Variants in DNAAF9 observed in about 807,000 individuals in gnomAD.
DNAAF9 encodes the protein shulin.
DNAAF9 carries 90 observed loss-of-function variants against 167.0 expected under a neutral mutation model. The observed-to-expected ratio is 0.54, with a 90% CI of 0.45 to 0.64. The LOEUF (loss-of-function observed/expected upper bound fraction) is 0.64. Among genes scored for constraint, DNAAF9 ranks in the 30% least tolerant of loss-of-function variants. The probability of loss-of-function intolerance (pLI) is 0.00; values close to 1 mark genes in which losing one functional copy is unlikely to be tolerated. For missense variants in DNAAF9, 1,315 were observed against 1,442.2 expected (o/e 0.91, Z 1.43); for synonymous variants, 491 against 508.8 (o/e 0.96, Z 0.47).
intron 30 of DNAAF9, 49 bp from the exon 31 acceptor site, chr20:3,264,573 C>CTT (rs758855438): frequency 6.8e-4 from 519 of 762,566 alleles, no homozygotes; most frequent in Middle Eastern, 1.0e-3. Context: ...CTGTCAATCT[C>CTT]TTTTTTTTTT....
chr20:3,263,033 G>A (rs1416902050), intron 31 of DNAAF9, among the ~76,000 whole-genome samples: 1 of 139,454 alleles, frequency 7.2e-6, no homozygotes, highest in Non-Finnish European at 1.5e-5. Flanking sequence ...GGAGTGCAGT[G>A]GCGTGATCTC....
rs958192847 is a variant in DNAAF9 at position 3,311,361 on chromosome 20, A to G, written c.1678+3672T>C. The stretch of plus-strand genomic sequence containing the variant: ...TCACTGGTCTTGAACTGTGGGCTCA[A>G]GCAATCCTCCTGCCTCAGCCTCCCA... On this transcript the variant is annotated intron_variant, in intron 20 of 36. Transcript: ENST00000252032. Among the ~76,000 whole-genome samples the G allele has an allele frequency of 2.6e-5, 4 of 152,032 alleles. No homozygotes were observed. In the East Asian group the frequency reaches 7.7e-4, roughly 29 times the overall value.
intron 31 of DNAAF9, among the ~76,000 whole-genome samples, chr20:3,261,045 T>G (rs1463341245): frequency 6.6e-6 from 1 of 152,084 alleles, no homozygotes; most frequent in Non-Finnish European, 1.5e-5. Flanking sequence ...GGGGCATCTC[T>G]GCTCTATTTT....
chr20:3,284,035 C>T (rs2068807204), intron 27 of DNAAF9, among the ~76,000 whole-genome samples: 1 of 152,242 alleles, frequency 6.6e-6, no homozygotes, highest in East Asian at 1.9e-4. Context: ...AGGCCCCAGG[C>T]CATTCACTCT....
At chr20:3,295,478 C>CTTTT (rs33916484) in intron 23 of DNAAF9, 62 of 247,404 alleles carry the variant, frequency 2.5e-4, no homozygotes, top group East Asian at 6.1e-4. Flanking sequence ...TGCGCCTGAC[C>CTTTT]TTTTTTTTTT....
chr20:3,377,047 C>T (rs1361786762), intron 3 of DNAAF9, among the ~76,000 whole-genome samples: 1 of 151,982 alleles, frequency 6.6e-6, no homozygotes. Flanking sequence ...CCAGACTGGG[C>T]GACAGAGTGA....
At chr20:3,364,668 T>C (rs776136390) in intron 6 of DNAAF9, among the ~76,000 whole-genome samples, 3 of 152,234 alleles carry the variant, frequency 2.0e-5, no homozygotes, top group Non-Finnish European at 4.4e-5. Flanking sequence ...CATAGTCTAT[T>C]AAGTATGCAA....
intron 29 of DNAAF9, among the ~76,000 whole-genome samples, chr20:3,272,781 C>G (rs2068616375): frequency 6.6e-6 from 1 of 152,142 alleles, no homozygotes; most frequent in Non-Finnish European, 1.5e-5. Context: ...CAATGCTCAT[C>G]ATCAACCCAT....
chr20:3,407,492 G>A lies in DNAAF9; in HGVS notation c.66C>T (p.Arg22=). Residue 22 remains arginine, a synonymous_variant, in exon 1 of 37, where the codon CGC becomes CGT. Coordinates refer to ENST00000252032, the MANE Select transcript of DNAAF9 (RefSeq NM_001009984.3). ...CCGCGTACCTGACGGAGGGTGACCC[G>A]CGGCTGGAGCCGCCAGGGGACCGAG... is the stretch of plus-strand genomic sequence containing the variant. ...PRARSPGGSS[R]GSPSVSCSRL... 4 of 1,296,428 alleles carry A rather than the reference G, an allele frequency of 3.1e-6. No individual in the cohort carries two copies. The highest frequency in any genetic ancestry group is 3.9e-6 in the Non-Finnish European group (4 of 1,025,258). 80.3% of individuals were successfully genotyped at this position (1,296,428 alleles called of 1,614,324 possible).
At chr20:3,326,742 T>C (rs1568606328) in intron 12 of DNAAF9, among the ~76,000 whole-genome samples, 1 of 108,514 alleles carries the variant, frequency 9.2e-6, no homozygotes, top group Non-Finnish European at 1.9e-5. Flanking sequence ...AGTGGGACCC[T>C]GTCTCAAAAA....
intron 16 of DNAAF9, 116 bp downstream of exon 16, chr20:3,322,101 C>A: frequency 1.4e-6 from 1 of 710,464 alleles, no homozygotes; most frequent in South Asian, 1.6e-5. Context: ...GAGAGAAGAT[C>A]AGCTTCTTCA....
chr20:3,284,850 T>C (rs1057361349), intron 27 of DNAAF9, among the ~76,000 whole-genome samples: 9 of 152,288 alleles, frequency 5.9e-5, no homozygotes, highest in Admixed American at 4.6e-4. Flanking sequence ...TTTCCAGTTT[T>C]ACTTATATTT....
At chr20:3,330,746 G>T in intron 11 of DNAAF9, 64 bp from the exon 12 acceptor site, 1 of 908,280 alleles carries the variant, frequency 1.1e-6, no homozygotes, top group Non-Finnish European at 1.7e-6. Flanking sequence ...TAACAAGGAA[G>T]CTAGAAATGC....
chr20:3,321,307 G>A (rs1336834240), intron 16 of DNAAF9, among the ~76,000 whole-genome samples: 1 of 152,124 alleles, frequency 6.6e-6, no homozygotes, highest in Non-Finnish European at 1.5e-5. Flanking sequence ...AGATGGTGTA[G>A]CCTACTATAC....
intron 32 of DNAAF9, 121 bp from the exon 33 acceptor site, chr20:3,259,675 G>T (rs893188527): frequency 1.4e-5 from 10 of 709,354 alleles, no homozygotes; most frequent in Admixed American, 8.4e-5. Context: ...GGGTTCACAG[G>T]TTCTACCCGC....
At chr20:3,356,651 C>A (rs1190637466) in intron 7 of DNAAF9, among the ~76,000 whole-genome samples, 1 of 151,994 alleles carries the variant, frequency 6.6e-6, no homozygotes, top group Non-Finnish European at 1.5e-5. Flanking sequence ...TACAGGTCTG[C>A]AGGCTGGCTA....
intron 31 of DNAAF9, among the ~76,000 whole-genome samples, chr20:3,263,237 G>A (rs920836606): frequency 7.9e-5 from 12 of 152,162 alleles, no homozygotes; most frequent in African/African-American, 2.9e-4. Flanking sequence ...GCATCCCAAA[G>A]TGCTGGGATT....
chr20:3,382,532 CCT>C lies in DNAAF9; in HGVS notation c.84-28_84-27del, dbSNP rs750854838. On this transcript the variant is annotated intron_variant, in intron 1 of 36. Coordinates refer to ENST00000252032, the MANE Select transcript of DNAAF9 (RefSeq NM_001009984.3). ...CTGCAACAAGAACAGAAAATGGTCC[CCT>C]GAGTGCCAGGACAGCCCCATGAGAA... 121 of 1,599,324 alleles carry C rather than the reference CCT, an allele frequency of 7.6e-5. No homozygotes were observed. In the African/African-American group the frequency reaches 8.4e-4, roughly 11 times the overall value.
At chr20:3,287,409 G>C (rs914234214) in intron 27 of DNAAF9, among the ~76,000 whole-genome samples, 1 of 152,254 alleles carries the variant, frequency 6.6e-6, no homozygotes, top group Non-Finnish European at 1.5e-5. Context: ...GTGGGGATAT[G>C]ATGATGTTAA....
Sources: gnomAD v4.1 joint callset for allele counts (sites outside exome capture counted in the v4.1 genomes callset) on GRCh38, gnomAD v4.1.1 for gene constraint, MANE v1.5 for transcripts, NCBI Gene and HGNC (gene_info 2026-07-23, HGNC 2026-07-21) for gene names.